The following DPM1 variants were observed in gnomAD, a reference collection of about 807,000 sequenced individuals.
DPM1 encodes dolichyl-phosphate mannosyltransferase subunit 1, catalytic.
Under a neutral mutation model 39.0 loss-of-function variants are expected in DPM1, and 27 were observed. The ratio of observed to expected loss-of-function variants is 0.69; its 90% CI spans 0.51 to 0.95. The LOEUF (loss-of-function observed/expected upper bound fraction) is 0.95. Ranked by LOEUF, DPM1 falls within the 40% of genes least tolerant of loss-of-function variation. DPM1 has a pLI of 0.00. For synonymous variants in DPM1, 124 were observed against 109.0 expected (o/e 1.14, Z -0.86); for missense variants, 307 against 315.6 (o/e 0.97, Z 0.21).
chr20:50,941,038 A>C, intron 6 of DPM1, 105 bp from the exon 7 acceptor site: 1 of 1,121,598 alleles, frequency 8.9e-7, no homozygotes, highest in Non-Finnish European at 1.3e-6. Flanking sequence ...CATAAATGTA[A>C]CATTAATTTC....
At chr20:50,952,319 A>C (rs1482102024) in intron 2 of DPM1, among the ~76,000 whole-genome samples, 13 of 152,250 alleles carry the variant, frequency 8.5e-5, no homozygotes, top group Admixed American at 8.5e-4. Context: ...GAAAAAAGTT[A>C]CTTAAAAACA....
intron 7 of DPM1, among the ~76,000 whole-genome samples, chr20:50,937,043 CT>C (rs75516205): frequency 0.012 from 1,668 of 140,306 alleles, 6 homozygotes; most frequent in Admixed American, 0.016. Context: ...CAGAGTCACA[CT>C]TTTTTTTTTT....
At chr20:50,951,723 G>A (rs973804197) in intron 2 of DPM1, among the ~76,000 whole-genome samples, 7 of 152,038 alleles carry the variant, frequency 4.6e-5, no homozygotes, top group Non-Finnish European at 7.4e-5. Context: ...AGGAGGCAGA[G>A]TGTGCAGTGA....
intron 1 of DPM1, among the ~76,000 whole-genome samples, chr20:50,957,789 A>AT (rs1332347552): frequency 6.6e-6 from 1 of 152,246 alleles, no homozygotes; most frequent in Admixed American, 6.5e-5. Flanking sequence ...AAAACACTGC[A>AT]TTAACACTTC....
At chr20:50,937,932 C>T (rs967955650) in intron 7 of DPM1, among the ~76,000 whole-genome samples, 4 of 152,098 alleles carry the variant, frequency 2.6e-5, no homozygotes, top group Non-Finnish European at 5.9e-5. Flanking sequence ...CCATCACTGG[C>T]CTCCCAAAAG....
chr20:50,935,243 TAAA>T lies in DPM1; in HGVS notation c.679-10_679-8del. 5.8e-6 allele frequency: 8 copies of T among 1,376,406 alleles called. No homozygotes were observed. The highest frequency in any genetic ancestry group is 8.1e-6 in the Non-Finnish European group (8 of 988,094). The allele number at this position is 1,376,406 out of a possible 1,614,324, so 85.3% of individuals were successfully genotyped here. ...CCACAAATGATATTGGAACCTAGTT[TAAA>T]AAAAAAAAAGTAACGTTAGTCTTTA... On this transcript the variant is annotated splice_polypyrimidine_tract_variant and splice_region_variant and intron_variant, in intron 8 of 8. Coordinates refer to ENST00000371588, the MANE Select transcript of DPM1 (RefSeq NM_003859.3).
At chr20:50,943,718 A>C (rs1292541670) in intron 5 of DPM1, among the ~76,000 whole-genome samples, 1 of 148,366 alleles carries the variant, frequency 6.7e-6, no homozygotes, top group Admixed American at 6.8e-5. Context: ...ATATACTGGA[A>C]TTGCCCAAAT....
chr20:50,942,408 A>AG (rs1193732150), intron 5 of DPM1, among the ~76,000 whole-genome samples: 4 of 151,992 alleles, frequency 2.6e-5, no homozygotes, highest in Admixed American at 2.6e-4. Context: ...CAGGAGGCTG[A>AG]GGCAGAGAAT....
At chr20:50,951,163 C>T (rs6096202) in intron 2 of DPM1, among the ~76,000 whole-genome samples, 5,015 of 152,264 alleles carry the variant, frequency 0.033, 167 homozygotes, top group African/African-American at 0.077. Flanking sequence ...ACTGTACTTA[C>T]CTCTTTTCAG....
intron 7 of DPM1, among the ~76,000 whole-genome samples, chr20:50,936,839 A>G (rs970681605): frequency 1.3e-5 from 2 of 152,230 alleles, no homozygotes; most frequent in Non-Finnish European, 2.9e-5. Context: ...ACAGGATAGA[A>G]ACAATCCTGG....
intron 3 of DPM1, among the ~76,000 whole-genome samples, chr20:50,947,149 G>A (rs985230180): frequency 8.6e-5 from 13 of 152,020 alleles, no homozygotes; most frequent in African/African-American, 2.9e-4. Flanking sequence ...CAGAGATCGC[G>A]GTGAGCCGAG....
intron 2 of DPM1, among the ~76,000 whole-genome samples, chr20:50,948,866 A>ATT (rs35605738): frequency 6.8e-6 from 1 of 146,842 alleles, no homozygotes; most frequent in Admixed American, 6.8e-5. Context: ...CGTAGCTAAC[A>ATT]TTTTTTTTTT....
At chr20:50,936,394 G>A (rs977605390) in intron 7 of DPM1, 132 bp from the exon 8 acceptor site, 38 of 624,934 alleles carry the variant, frequency 6.1e-5, no homozygotes, top group Middle Eastern at 4.0e-4. Flanking sequence ...AGAAAAGCTC[G>A]CACACTTGAT....
intron 7 of DPM1, among the ~76,000 whole-genome samples, chr20:50,937,104 CT>C (rs1324009439): frequency 6.7e-6 from 1 of 149,948 alleles, no homozygotes; most frequent in African/African-American, 2.5e-5. Flanking sequence ...CAATTTCTAC[CT>C]TTTTTTGTGG....
At chr20:50,941,401 TTA>T (rs1218650307) in intron 6 of DPM1, among the ~76,000 whole-genome samples, 14 of 143,688 alleles carry the variant, frequency 9.7e-5, no homozygotes, top group East Asian at 7.8e-4. Context: ...TATATTCATA[TTA>T]TATATATATA....
intron 2 of DPM1, among the ~76,000 whole-genome samples, chr20:50,950,844 C>G (rs1053318130): frequency 6.6e-6 from 1 of 151,994 alleles, no homozygotes; most frequent in Non-Finnish European, 1.5e-5. Flanking sequence ...ACTCCAGCCT[C>G]AGTGACACAG....
At chr20:50,956,464 T>G (rs546924957) in intron 1 of DPM1, among the ~76,000 whole-genome samples, 21 of 149,112 alleles carry the variant, frequency 1.4e-4, no homozygotes, top group African/African-American at 1.2e-4. Context: ...AGGCGGGGCC[T>G]GCAGTGAGCC....
intron 2 of DPM1, among the ~76,000 whole-genome samples, 158 bp from the exon 3 acceptor site, chr20:50,948,820 A>G (rs1457366252): frequency 1.3e-5 from 2 of 152,212 alleles, no homozygotes; most frequent in African/African-American, 4.8e-5. Flanking sequence ...GCCAAAAGAA[A>G]AAAAAAAGCA....
At chr20:50,936,357 T>A in intron 7 of DPM1, 95 bp from the exon 8 acceptor site, 1 of 802,978 alleles carries the variant, frequency 1.2e-6, no homozygotes, top group Non-Finnish European at 2.0e-6. Context: ...GTATAAAGCC[T>A]AAAACTTTCA....
Sources: gnomAD v4.1 joint callset for allele counts (sites outside exome capture counted in the v4.1 genomes callset) on GRCh38, gnomAD v4.1.1 for gene constraint, MANE v1.5 for transcripts, NCBI Gene and HGNC (gene_info 2026-07-23, HGNC 2026-07-21) for gene names.